Variants in TSPEAR observed in about 807,000 individuals in gnomAD.
TSPEAR encodes the protein thrombospondin type laminin G domain and EAR repeats.
Under a neutral mutation model 71.6 loss-of-function variants are expected in TSPEAR, and 69 were observed. The observed-to-expected ratio is 0.96, with a 90% confidence interval of 0.79 to 1.18. The LOEUF is 1.18. Ranked by LOEUF, TSPEAR falls within the 50% of genes most tolerant of loss-of-function variation. TSPEAR has a pLI of 0.00. For synonymous variants in TSPEAR, 402 were observed against 387.2 expected (o/e 1.04, Z -0.45); for missense variants, 971 against 894.9 (o/e 1.09, Z -1.09).
rs782818322 is a variant in TSPEAR at position 44,591,584 on chromosome 21, A to G, written c.83-23579T>C. On this transcript the variant is annotated intron_variant, in intron 1 of 11. Transcript: ENST00000323084. ...TGGCAGAGGAGGGACACGGAGGAGG[A>G]GGATCTGCAGCAGGAGGCGGTGCAG... 3 of 1,612,810 alleles carry G rather than the reference A, an allele frequency of 1.9e-6. No individual in the cohort carries two copies. The Admixed American group carries it at 5.0e-5, about 27-fold the overall frequency.
At chr21:44,585,782 TG>T (rs2146110864) in intron 1 of TSPEAR, among the ~76,000 whole-genome samples, 1 of 152,354 alleles carries the variant, frequency 6.6e-6, no homozygotes, top group South Asian at 2.1e-4. Flanking sequence ...ACGGCCTCTT[TG>T]TTTCATGCAT....
intron 1 of TSPEAR, among the ~76,000 whole-genome samples, chr21:44,632,363 AC>A (rs587720356): frequency 2.7e-3 from 407 of 151,966 alleles, no homozygotes; most frequent in Non-Finnish European, 4.9e-3. Context: ...AGAGAAAAAA[AC>A]TGTCCACCAA....
At chr21:44,604,674 G>C (rs1555929539) in intron 1 of TSPEAR, among the ~76,000 whole-genome samples, 2 of 152,226 alleles carry the variant, frequency 1.3e-5, no homozygotes, top group Non-Finnish European at 2.9e-5. Context: ...TTTGATCTTA[G>C]AGAAAGAGCT....
At chr21:44,584,173 C>T (rs1365181214) in intron 1 of TSPEAR, among the ~76,000 whole-genome samples, 1 of 152,176 alleles carries the variant, frequency 6.6e-6, no homozygotes, top group Non-Finnish European at 1.5e-5. Flanking sequence ...CACATATAAG[C>T]GAGGTCTGCA....
chr21:44,707,757 G>C (rs1406292500), intron 1 of TSPEAR, among the ~76,000 whole-genome samples: 2 of 152,158 alleles, frequency 1.3e-5, no homozygotes, highest in African/African-American at 2.4e-5. Context: ...AAGGTGATGG[G>C]TGAGGCGGCT....
At chr21:44,691,301 T>A (rs143144002) in intron 1 of TSPEAR, among the ~76,000 whole-genome samples, 303 of 152,340 alleles carry the variant, frequency 2.0e-3, no homozygotes, top group African/African-American at 6.6e-3. Flanking sequence ...CTCACCCCTA[T>A]GTCTCTAACG....
chr21:44,541,586 A>G lies in TSPEAR; in HGVS notation c.304-7663T>C, dbSNP rs587683370. ...TGAGGCATTTACCAATTTACAGACC[A>G]CAGCCAAGAGGCCGAGAGCCTGATC... On this transcript the variant is annotated intron_variant, in intron 2 of 11. Coordinates refer to ENST00000323084, the MANE Select transcript of TSPEAR (RefSeq NM_144991.3). Among the ~76,000 whole-genome samples, 45 of 152,330 alleles carry G rather than the reference A, an allele frequency of 3.0e-4. 1 individual carries two copies. The South Asian group carries it at 8.7e-3, about 30-fold the overall frequency.
chr21:44,627,870 C>T (rs1165799895), intron 1 of TSPEAR: 4 of 1,613,618 alleles, frequency 2.5e-6, no homozygotes, highest in Non-Finnish European at 3.4e-6. Context: ...CTGTGTCCCT[C>T]CTCTGCCGCC....
chr21:44,551,662 T>G (rs1224398332), intron 2 of TSPEAR, among the ~76,000 whole-genome samples: 1 of 152,158 alleles, frequency 6.6e-6, no homozygotes, highest in South Asian at 2.1e-4. Context: ...TTATTTCTGC[T>G]TCCTTTGCCA....
Position 44,626,989 on chromosome 21 carries a change from A to C in TSPEAR, c.83-58984T>G, listed in dbSNP as rs1982832387. ...ATGTCACCAGCAAACAAACATCCCT[A>C]ATCATGGCAGACGCCGCCTCTCAGC... On this transcript the variant is annotated intron_variant, in intron 1 of 11. Coordinates refer to ENST00000323084, the MANE Select transcript of TSPEAR (RefSeq NM_144991.3). 6.4e-6 allele frequency: 6 copies of C among 942,418 alleles called. No individual in the cohort carries two copies. The Admixed American group carries it at 1.4e-4, about 22-fold the overall frequency. The allele number at this position is 942,418 out of a possible 1,614,324, so 58.4% of individuals were successfully genotyped here.
At chr21:44,513,863 CCTCT>C (rs1352314917) in intron 9 of TSPEAR, among the ~76,000 whole-genome samples, 12 of 152,176 alleles carry the variant, frequency 7.9e-5, no homozygotes, top group African/African-American at 2.4e-4. Flanking sequence ...GCAGTGGCAT[CCTCT>C]CTGAGGGTAG....
At chr21:44,606,951 G>T (rs1402922043) in intron 1 of TSPEAR, among the ~76,000 whole-genome samples, 1 of 152,192 alleles carries the variant, frequency 6.6e-6, no homozygotes, top group Non-Finnish European at 1.5e-5. Context: ...GTGACCTACT[G>T]CATTGCATGG....
At chr21:44,597,772 A>G (rs1015864443) in intron 1 of TSPEAR, among the ~76,000 whole-genome samples, 25 of 152,108 alleles carry the variant, frequency 1.6e-4, no homozygotes, top group African/African-American at 6.0e-4. Flanking sequence ...TGTAAGCAGC[A>G]TGTAGTTAGG....
intron 4 of TSPEAR, 108 bp downstream of exon 4, chr21:44,530,935 C>G (rs1435818368): frequency 2.2e-6 from 2 of 901,484 alleles, no homozygotes; most frequent in African/African-American, 3.3e-5. Context: ...ACCTTCTTTT[C>G]CCAGTTAGCA....
intron 2 of TSPEAR, among the ~76,000 whole-genome samples, chr21:44,537,116 C>A (rs2053102332): frequency 6.6e-6 from 1 of 152,150 alleles, no homozygotes; most frequent in Non-Finnish European, 1.5e-5. Flanking sequence ...TATTTAAAAG[C>A]TCAATGCAAT....
At chr21:44,594,023 GA>G (rs1268736870) in intron 1 of TSPEAR, among the ~76,000 whole-genome samples, 4 of 152,186 alleles carry the variant, frequency 2.6e-5, no homozygotes, top group Non-Finnish European at 4.4e-5. Flanking sequence ...TTTGTGTCCT[GA>G]GAAGACTTCT....
intron 1 of TSPEAR, among the ~76,000 whole-genome samples, chr21:44,634,046 ACCAG>A (rs1870349814): frequency 6.6e-6 from 1 of 152,138 alleles, no homozygotes; most frequent in South Asian, 2.1e-4. Context: ...AGAGTTCGAG[ACCAG>A]CCTGGGTAAC....
chr21:44,677,787 G>A (rs1445657297), intron 1 of TSPEAR: 2 of 1,303,510 alleles, frequency 1.5e-6, no homozygotes, highest in Non-Finnish European at 2.2e-6. Context: ...TGATTTCTTT[G>A]GCAATGGAAC....
chr21:44,500,586 C>T (rs2052012055), intron 11 of TSPEAR, among the ~76,000 whole-genome samples: 1 of 152,194 alleles, frequency 6.6e-6, no homozygotes, highest in Admixed American at 6.5e-5. Context: ...CTGGAAAAAC[C>T]GTGGTGGCTT....
Sources: allele counts gnomAD v4.1 joint callset (sites outside exome capture counted in the v4.1 genomes callset), GRCh38; gene constraint gnomAD v4.1.1; transcripts MANE v1.5; gene names NCBI Gene and HGNC (gene_info 2026-07-23, HGNC 2026-07-21).